Variants in LRRC37A2 observed in about 807,000 individuals in gnomAD.
LRRC37A2 encodes leucine-rich repeat-containing protein 37A2.
A neutral mutation model predicts 68.8 loss-of-function variants in LRRC37A2; 9 were observed. The ratio of observed to expected loss-of-function variants is 0.13; its 90% CI spans 0.08 to 0.23. LRRC37A2 has a LOEUF of 0.23. Ranked by LOEUF, LRRC37A2 falls within the 10% of genes least tolerant of loss-of-function variation. The probability of loss-of-function intolerance (pLI) is 1.00; values close to 1 mark genes in which losing one functional copy is unlikely to be tolerated. For missense variants in LRRC37A2, 168 were observed against 950.4 expected (o/e 0.18, Z 10.82); for synonymous variants, 63 against 367.6 (o/e 0.17, Z 9.48).
At chr17:46,872,498 C>T in the LRRC37A2 span, 1 of 1,469,528 alleles carries the variant, frequency 6.8e-7, no homozygotes. Context: ...ACCTGTCTCC[C>T]TCCTCTCGCT....
the LRRC37A2 span, among the ~76,000 whole-genome samples, chr17:46,900,355 A>G: frequency 3.3e-5 from 5 of 151,398 alleles, no homozygotes; most frequent in Non-Finnish European, 2.9e-5. Context: ...GGTTCAAGAG[A>G]TTCTCCTGTC....
the LRRC37A2 span, among the ~76,000 whole-genome samples, chr17:46,608,883 C>T: frequency 1.3e-4 from 20 of 151,994 alleles, no homozygotes; most frequent in Admixed American, 1.3e-3. Context: ...CATGAGCCCG[C>T]GCACCTGGCC....
chr17:46,900,099 T>C, the LRRC37A2 span, among the ~76,000 whole-genome samples: 1 of 148,450 alleles, frequency 6.7e-6, no homozygotes, highest in Non-Finnish European at 1.5e-5. Flanking sequence ...TACTGTTAGA[T>C]GTAGTAGGAA....
At chr17:46,783,450 A>G in the LRRC37A2 span, among the ~76,000 whole-genome samples, 1 of 152,314 alleles carries the variant, frequency 6.6e-6, no homozygotes, top group East Asian at 1.9e-4. Flanking sequence ...AGGTTCTGGG[A>G]ACGTGGAGAT....
chr17:46,796,761 A>G, the LRRC37A2 span, among the ~76,000 whole-genome samples: 24 of 152,336 alleles, frequency 1.6e-4, no homozygotes, highest in African/African-American at 5.5e-4. Context: ...TGGCTGCTGC[A>G]TAGGAGAGGG....
At chr17:46,847,247 C>T in the LRRC37A2 span, among the ~76,000 whole-genome samples, 4 of 152,212 alleles carry the variant, frequency 2.6e-5, no homozygotes, top group Admixed American at 1.3e-4. Flanking sequence ...CCCACTTTCC[C>T]CACTTAGCTT....
chr17:46,750,031 T>C, the LRRC37A2 span: 1 of 1,130,286 alleles, frequency 8.8e-7, no homozygotes, highest in Non-Finnish European at 1.3e-6. Context: ...CCCGGGGATA[T>C]TACAGGTTGT....
chr17:46,980,666 C>CAAAAAAAAAAAAAAAAAAAAAAAAAAAA, the LRRC37A2 span, among the ~76,000 whole-genome samples: 16 of 83,882 alleles, frequency 1.9e-4, no homozygotes, highest in Non-Finnish European at 2.0e-4. Flanking sequence ...ACTAAAAATA[C>CAAAAAAAAAAAAAAAAAAAAAAAAAAAA]AAAAAAAAAA....
At chr17:46,833,209 G>A in the LRRC37A2 span, 415 of 397,672 alleles carry the variant, frequency 1.0e-3, 4 homozygotes, top group East Asian at 0.023. Flanking sequence ...TCAGCAAACC[G>A]GGAAGCAGCA....
chr17:46,392,236 G>C, the LRRC37A2 span, among the ~76,000 whole-genome samples: 1 of 63,658 alleles, frequency 1.6e-5, no homozygotes, highest in East Asian at 3.3e-4. Flanking sequence ...TTTTGAGATA[G>C]GGTATCACTT....
At chr17:46,815,628 T>C in the LRRC37A2 span, among the ~76,000 whole-genome samples, 7 of 151,578 alleles carry the variant, frequency 4.6e-5, no homozygotes, top group Non-Finnish European at 1.0e-4. Context: ...GCCCTAACCC[T>C]GAGAAGGTGA....
chr17:46,935,200 G>T, the LRRC37A2 span: 1 of 1,612,900 alleles, frequency 6.2e-7, no homozygotes, highest in Non-Finnish European at 8.5e-7. Context: ...CAGAGAGAAG[G>T]CCTCTTGTTT....
At chr17:46,890,269 T>C in the LRRC37A2 span, among the ~76,000 whole-genome samples, 1 of 152,370 alleles carries the variant, frequency 6.6e-6, no homozygotes, top group East Asian at 1.9e-4. Flanking sequence ...TTCCCAACTC[T>C]GCCTAAAGTG....
intron 6 of LRRC37A2, among the ~76,000 whole-genome samples, chr17:46,525,602 T>TC (rs1555641482): frequency 2.9e-5 from 3 of 103,290 alleles, no homozygotes; most frequent in African/African-American, 1.0e-4. Flanking sequence ...ATAATAATAA[T>TC]ATAATAATAA....
At chr17:46,713,713 C>G in the LRRC37A2 span, 3 of 701,420 alleles carry the variant, frequency 4.3e-6, no homozygotes, top group African/African-American at 3.7e-5. Context: ...GAAAACATGT[C>G]TGCTGTGAAA....
chr17:46,735,693 C>G, the LRRC37A2 span, among the ~76,000 whole-genome samples: 8 of 152,054 alleles, frequency 5.3e-5, no homozygotes, highest in Admixed American at 2.0e-4. Flanking sequence ...GCCTGTAATC[C>G]CAGCACTTTG....
chr17:46,938,913 C>T, the LRRC37A2 span: 3 of 1,522,946 alleles, frequency 2.0e-6, no homozygotes, highest in South Asian at 1.2e-5. Flanking sequence ...AATTTCCAAC[C>T]TGCTCTGTTT....
At chr17:46,995,911 A>G in the LRRC37A2 span, among the ~76,000 whole-genome samples, 2 of 152,136 alleles carry the variant, frequency 1.3e-5, no homozygotes, top group South Asian at 2.1e-4. Context: ...CCATCCTGCA[A>G]CTGGAGTTCT....
At chr17:46,730,604 A>T in the LRRC37A2 span, among the ~76,000 whole-genome samples, 3 of 152,186 alleles carry the variant, frequency 2.0e-5, no homozygotes, top group African/African-American at 7.2e-5. Context: ...TATGCTTTTA[A>T]ATCTCACAGC....
Sources: allele counts gnomAD v4.1 joint callset (sites outside exome capture counted in the v4.1 genomes callset), GRCh38; gene constraint gnomAD v4.1.1; transcripts MANE v1.5; gene names NCBI Gene and HGNC (gene_info 2026-07-23, HGNC 2026-07-21).